COL16A1: variants seen among roughly 807,000 people sequenced by gnomAD.
The protein encoded by COL16A1 is collagen type XVI alpha 1 chain, also known as collagen alpha-1(XVI) chain.
In COL16A1, 189 loss-of-function variants were observed where a neutral mutation model predicts 266.3. The observed-to-expected ratio is 0.71, with a 90% confidence interval of 0.63 to 0.80. The LOEUF (loss-of-function observed/expected upper bound fraction) is 0.80, where lower values mean the gene tolerates loss of function less well. COL16A1 is among the 30% of genes least tolerant of loss of function. The pLI is 0.00. For missense variants in COL16A1, 1,928 were observed against 2,122.4 expected, an observed-to-expected ratio of 0.91 and a Z score of 1.80; for synonymous variants, 740 against 782.3, an observed-to-expected ratio of 0.95 and a Z score of 0.90.
At chr1:31,683,276 C>T (rs774422463) in intron 35 of COL16A1, 29 bp from the exon 36 acceptor site, 3 of 1,614,200 alleles carry the variant, frequency 1.9e-6, no homozygotes, top group Non-Finnish European at 2.5e-6. Context: ...TTAGTTAACC[C>T]ATATCCTAGA....
At chr1:31,692,729 A>AT (rs748867905) in intron 14 of COL16A1, 38 bp downstream of exon 14, 1 of 1,612,924 alleles carries the variant, frequency 6.2e-7, no homozygotes, top group Non-Finnish European at 8.5e-7. Flanking sequence ...GGCTGGCCCC[A>AT]TATTGGCCCT....
chr1:31,670,751 G>A lies in COL16A1; in HGVS notation c.3151-105C>T. ...GGGGTCATGGGGAGAGGAGGTCATG[G>A]GAGTATTTTCAAGGCAGCTGGAAAA... On this transcript the variant is annotated intron_variant, in intron 48 of 70. Transcript: ENST00000373672. The surrounding 1 kb of genome is among the most constrained non-coding windows in gnomAD (Gnocchi z 4.5). 1 of 948,722 alleles carries A rather than the reference G, an allele frequency of 1.1e-6. No individual in the cohort carries two copies. Among genetic ancestry groups the A allele is most frequent in the Non-Finnish European group, 1.4e-6 (1 of 692,488 alleles). 58.8% of individuals were successfully genotyped at this position (948,722 alleles called of 1,614,324 possible).
chr1:31,697,814 A>G lies in COL16A1; in HGVS notation c.657+92T>C. Reference sequence around the variant, plus strand: ...AGGAAAGCAGGGGAAGATTCTAAGCAGGAGAAGGACTTGTTCCGATACGGA... The same window carrying G: ...AGGAAAGCAGGGGAAGATTCTAAGCGGGAGAAGGACTTGTTCCGATACGGA... On this transcript the variant is annotated intron_variant, in intron 6 of 70. Transcript: ENST00000373672. This position sits in a 1 kb window ranked among gnomAD's most constrained non-coding sequence, Gnocchi z 4.2. The G allele has an allele frequency of 7.0e-7, 1 of 1,419,300 alleles. No homozygotes were observed. The highest frequency in any genetic ancestry group is 2.3e-5 in the East Asian group (1 of 43,602). 87.9% of individuals were successfully genotyped at this position (1,419,300 alleles called of 1,614,324 possible).
At position 31,685,563 on chromosome 1, in the gene COL16A1, C is replaced by G; in HGVS notation, c.2016+76G>C. On this transcript the variant is annotated intron_variant, in intron 29 of 70. Transcript: ENST00000373672. The surrounding 1 kb of genome is among the most constrained non-coding windows in gnomAD (Gnocchi z 4.0). ...CAACTGCCCAGGGAGTCAAGAGACCCAGGCAGGACCCCTCCCCTCTCCTTA... is the reference window on the plus strand; with the variant it reads ...CAACTGCCCAGGGAGTCAAGAGACCGAGGCAGGACCCCTCCCCTCTCCTTA... 6.5e-7 allele frequency: 1 copy of G among 1,530,336 alleles called. No homozygotes were observed. Among genetic ancestry groups the G allele is most frequent in the Non-Finnish European group, 8.9e-7 (1 of 1,128,348 alleles). 94.8% of individuals were successfully genotyped at this position (1,530,336 alleles called of 1,614,324 possible). A position where few individuals can be genotyped will look rare whatever the true frequency, so the allele number is the denominator to read the frequency against.
rs200458309 is a variant in COL16A1, at chr1:31,672,620, C to T, written c.2994G>A (p.Glu998=). 11 of 1,604,802 alleles carry T rather than the reference C, an allele frequency of 6.9e-6. No individual in the cohort carries two copies. The highest frequency in any genetic ancestry group is 1.7e-4 in the Middle Eastern group (1 of 5,998). ...DNCAQCFLSL[E]RPRAEEARGD... ...CCCGGGCCTCCTCGGCTCTTGGGCG[C>T]TCCAGTGACAAAAAGCACTGCAAGG... Residue 998 remains glutamate (E), a synonymous_variant, in exon 46 of 71, where the codon GAG becomes GAA. Coordinates refer to ENST00000373672, the MANE Select transcript of COL16A1 (RefSeq NM_001856.4).
At chr1:31,695,357 C>A in intron 10 of COL16A1, 136 bp from the exon 11 acceptor site, 2 of 861,874 alleles carry the variant, frequency 2.3e-6, no homozygotes, top group South Asian at 1.5e-5. Flanking sequence ...GATAGGAATC[C>A]TATAAAACAA....
chr1:31,686,109 T>A lies in COL16A1; in HGVS notation c.1866A>T (p.Ala622=), dbSNP rs778428585. 8 of 1,614,124 alleles carry A rather than the reference T, an allele frequency of 5.0e-6. No homozygotes were observed. In the South Asian group the frequency reaches 7.7e-5, roughly 16 times the overall value. The change falls in exon 28 of 71, where the codon GCA becomes GCT. Residue 622 remains alanine (A), a synonymous_variant. Transcript: ENST00000373672. ...SPGPPGPVGP[A]GIKGAKGEPC... is the part of the protein sequence containing the mutation. The stretch of plus-strand genomic sequence containing the variant: ...GACTCACCTTCGCCCCTTTGATGCC[T>A]GCTGGCCCCACTGGTCCTGGTGGCC...
intron 26 of COL16A1, among the ~76,000 whole-genome samples, chr1:31,687,558 C>T (rs1390067336): frequency 1.3e-5 from 2 of 148,674 alleles, no homozygotes; most frequent in Non-Finnish European, 3.0e-5. Context: ...CAGTGGTGGG[C>T]GTGGAGAGAA....
intron 37 of COL16A1, among the ~76,000 whole-genome samples, chr1:31,681,894 T>C (rs1643669429): frequency 6.6e-6 from 1 of 152,230 alleles, no homozygotes; most frequent in South Asian, 2.1e-4. Flanking sequence ...AGAGACCGGC[T>C]GTGTGGGCTT....
rs771070441 is a variant in COL16A1, at chr1:31,697,060, C to T, written c.767G>A (p.Arg256Gln). The change falls in exon 8 of 71, where the codon CGG (arginine) becomes CAG (glutamine). Residue 256 changes from arginine to glutamine, a missense_variant. By Grantham distance (43) the Arg-to-Gln change is conservative. Transcript: ENST00000373672. This position sits in a 1 kb window ranked among gnomAD's most constrained non-coding sequence, Gnocchi z 4.2. ...GCPPETSKAR[R>Q]DTQSNELIEI... Reference sequence around the variant, plus strand: ...AATGAGCTCATTGCTCTGGGTGTCCCGGCGGGCCTTGGAGGTCTCTGGGGG... The same window carrying T: ...AATGAGCTCATTGCTCTGGGTGTCCTGGCGGGCCTTGGAGGTCTCTGGGGG... The T allele has an allele frequency of 8.7e-6, 14 of 1,613,988 alleles. No homozygotes were observed. The highest frequency in any genetic ancestry group is 7.7e-5 in the South Asian group (7 of 91,058).
chr1:31,676,698 T>A (rs184466341), intron 42 of COL16A1, among the ~76,000 whole-genome samples: 12 of 152,312 alleles, frequency 7.9e-5, no homozygotes, highest in Non-Finnish European at 1.5e-4. Context: ...CGGACAATGT[T>A]CCCCTTGCAG....
rs746478873 is a variant in COL16A1, at chr1:31,698,099, G to A, written c.464C>T (p.Ser155Phe). ...GAGCTGGGGCACTGGGAAGATGCAG[G>A]ACACAAAGTCGCCATCCTGGCCCTG... is the stretch of plus-strand genomic sequence containing the variant. ...RAQGQDGDFV[S>F]CIFPVPQLFD... Residue 155 changes from serine (S) to phenylalanine (F), a missense_variant, in exon 6 of 71, where the codon TCC becomes TTC. Ser to Phe is a radical substitution (Grantham distance 155, BLOSUM62 -2). This residue lies in a region of COL16A1 where 1,552 missense variants were observed against 1,637.2 expected (regional missense o/e 0.95). Transcript: ENST00000373672. This position sits in a 1 kb window ranked among gnomAD's most constrained non-coding sequence, Gnocchi z 4.1. The A allele has an allele frequency of 9.9e-6, 16 of 1,613,872 alleles. No homozygotes were observed. Among genetic ancestry groups the A allele is most frequent in the Non-Finnish European group, 1.3e-5 (15 of 1,180,058 alleles).
chr1:31,690,343 T>TA, intron 22 of COL16A1, 24 bp downstream of exon 22: 1 of 1,613,392 alleles, frequency 6.2e-7, no homozygotes, highest in Non-Finnish European at 8.5e-7. Flanking sequence ...CACCCCGATC[T>TA]GGGCAGCCAG....
At position 31,657,305 on chromosome 1, in the gene COL16A1, G is replaced by A. The variant is rs765083985; in HGVS notation, c.4021-237C>T. 21 of 583,358 alleles carry A rather than the reference G, an allele frequency of 3.6e-5. No individual in the cohort carries two copies. Among genetic ancestry groups the A allele is most frequent in the Non-Finnish European group, 6.1e-5 (20 of 326,720 alleles). The allele number at this position is 583,358 out of a possible 1,614,324, so 36.1% of individuals were successfully genotyped here. On this transcript the variant is annotated intron_variant, in intron 64 of 70. Coordinates refer to ENST00000373672, the MANE Select transcript of COL16A1 (RefSeq NM_001856.4). The surrounding 1 kb of genome is among the most constrained non-coding windows in gnomAD (Gnocchi z 6.4). Reference sequence around the variant, plus strand: ...GCCCCCGTCTACAAGAGCTTTACAAGGGAAGAACAGACCGTGCCTGCCTTG... The same window carrying A: ...GCCCCCGTCTACAAGAGCTTTACAAAGGAAGAACAGACCGTGCCTGCCTTG...
chr1:31,687,213 C>A (rs550696671), intron 26 of COL16A1, among the ~76,000 whole-genome samples: 28 of 152,180 alleles, frequency 1.8e-4, no homozygotes, highest in South Asian at 1.2e-3. Flanking sequence ...AAAACCCCGT[C>A]TCTACTAAAA....
chr1:31,673,830 T>C (rs1190784993), intron 44 of COL16A1, among the ~76,000 whole-genome samples: 1 of 152,270 alleles, frequency 6.6e-6, no homozygotes, highest in Non-Finnish European at 1.5e-5. Context: ...GCTGGGGCTC[T>C]GGGTCAGCAT....
intron 61 of COL16A1, 61 bp downstream of exon 61, chr1:31,661,005 C>T (rs1641607498): frequency 4.7e-6 from 7 of 1,494,084 alleles, no homozygotes; most frequent in Non-Finnish European, 6.3e-6. Context: ...GCGGCTGCAT[C>T]CCAGACTCTG....
intron 8 of COL16A1, among the ~76,000 whole-genome samples, 173 bp downstream of exon 8, chr1:31,696,790 C>T (rs1448869096): frequency 6.6e-6 from 1 of 152,212 alleles, no homozygotes; most frequent in East Asian, 1.9e-4. Context: ...AGTGGGCTGT[C>T]TCTGCCTCCC....
rs971264747 is a variant in COL16A1 at position 31,698,821 on chromosome 1, C to A, written c.267-215G>T. Among the ~76,000 whole-genome samples the A allele has an allele frequency of 3.3e-5, 5 of 152,126 alleles. No individual in the cohort carries two copies. Among genetic ancestry groups the A allele is most frequent in the African/African-American group, 1.2e-4 (5 of 41,442 alleles). Reference sequence around the variant, plus strand: ...GAATAACAGTGGTGAAGGCTGGGTGCGGTGGCTCATGCCTGTAATCCCAGC... The same window carrying A: ...GAATAACAGTGGTGAAGGCTGGGTGAGGTGGCTCATGCCTGTAATCCCAGC... On this transcript the variant is annotated intron_variant, in intron 4 of 70. Transcript: ENST00000373672. This position sits in a 1 kb window ranked among gnomAD's most constrained non-coding sequence, Gnocchi z 4.1.
Sources: gnomAD v4.1 joint callset for allele counts (sites outside exome capture counted in the v4.1 genomes callset) on GRCh38, gnomAD v4.1.1 for gene constraint, gnomAD v4.1.1 regional missense constraint, Gnocchi (gnomAD v3.1) non-coding constraint, MANE v1.5 for transcripts, NCBI Gene and HGNC (gene_info 2026-07-23, HGNC 2026-07-21) for gene names.